The following PRELID3A variants were observed in gnomAD, a reference collection of about 807,000 sequenced individuals.
The protein encoded by PRELID3A is PRELI domain containing protein 3A.
A neutral mutation model predicts 23.0 loss-of-function variants in PRELID3A; 27 were observed. The ratio of observed to expected loss-of-function variants is 1.17; its 90% CI spans 0.87 to 1.62. The LOEUF is 1.62. Ranked by LOEUF, PRELID3A falls within the 40% of genes most tolerant of loss-of-function variation. The pLI, the probability that PRELID3A is intolerant of heterozygous loss-of-function variation, is 0.00. For missense variants in PRELID3A, 231 were observed against 231.4 expected, an observed-to-expected ratio of 1.00 and a Z score of 0.01; for synonymous variants, 87 against 86.4, an observed-to-expected ratio of 1.01 and a Z score of -0.04.
chr18:12,427,715 TA>T (rs2030428139), intron 5 of PRELID3A, among the ~76,000 whole-genome samples: 1 of 151,020 alleles, frequency 6.6e-6, no homozygotes, highest in African/African-American at 2.4e-5. Flanking sequence ...AAAATAAAAA[TA>T]AAAAATAAAT....
rs533212555 is a variant in PRELID3A at position 12,425,447 on chromosome 18, C to T, written c.292-1594C>T. 3.3e-3 allele frequency among the ~76,000 whole-genome samples: 458 copies of T among 140,640 alleles called. 5 individuals carry two copies. The highest frequency in any genetic ancestry group is 0.019 in the Middle Eastern group (5 of 260). The allele number at this position is 140,640 out of a possible 152,430, so 92.3% of individuals were successfully genotyped here. On this transcript the variant is annotated intron_variant, in intron 3 of 6. Transcript: ENST00000440960. ...CATCCTGGCTAACATGGTGAAACCC[C>T]GTCTCTACTAAAAATACAAAAAAAA...
At chr18:12,420,579 T>A in intron 2 of PRELID3A, 86 bp downstream of exon 2, 2 of 1,194,994 alleles carry the variant, frequency 1.7e-6, no homozygotes, top group Non-Finnish European at 2.2e-6. Context: ...CCTCCCCTCA[T>A]CAGTGCCTCT....
chr18:12,407,935 C>T lies in PRELID3A; in HGVS notation c.-41C>T. 7.8e-7 allele frequency: 1 copy of T among 1,283,524 alleles called. No homozygotes were observed. The highest frequency in any genetic ancestry group is 9.8e-7 in the Non-Finnish European group (1 of 1,018,422). The allele number at this position is 1,283,524 out of a possible 1,614,324, so 79.5% of individuals were successfully genotyped here. On this transcript the variant is annotated 5_prime_UTR_variant, in exon 1 of 7. Coordinates refer to ENST00000440960, the MANE Select transcript of PRELID3A (RefSeq NM_001142405.2). ...GCCCGGAGCCGCGCGGCCCGAAGCA[C>T]CCGGCCCGGATCGCAGAGCCCGCGC...
chr18:12,413,366 C>T (rs1177957171), intron 1 of PRELID3A, among the ~76,000 whole-genome samples: 1 of 152,094 alleles, frequency 6.6e-6, no homozygotes, highest in East Asian at 1.9e-4. Flanking sequence ...TTGCTTGACC[C>T]CAGGAGCTTG....
chr18:12,422,722 GTA>G (rs1323850034), intron 3 of PRELID3A, among the ~76,000 whole-genome samples: 4 of 152,128 alleles, frequency 2.6e-5, no homozygotes, highest in Non-Finnish European at 5.9e-5. Context: ...ATTAAAAAAT[GTA>G]TATTGGCCTA....
At chr18:12,414,274 A>G (rs1339522630) in intron 1 of PRELID3A, among the ~76,000 whole-genome samples, 1 of 152,216 alleles carries the variant, frequency 6.6e-6, no homozygotes, top group Non-Finnish European at 1.5e-5. Flanking sequence ...TTACTCACAG[A>G]TGTCCCTAAG....
intron 1 of PRELID3A, among the ~76,000 whole-genome samples, chr18:12,414,250 A>G (rs2029882066): frequency 6.6e-6 from 1 of 152,122 alleles, no homozygotes; most frequent in Non-Finnish European, 1.5e-5. Flanking sequence ...TCATAAAACT[A>G]ATCACTTGGC....
At chr18:12,408,758 AG>A (rs144923384) in intron 1 of PRELID3A, among the ~76,000 whole-genome samples, 10,585 of 147,092 alleles carry the variant, frequency 0.072, 903 homozygotes, top group African/African-American at 0.21. Context: ...CTGAAGGGTG[AG>A]GGGGTGGGTG....
intron 1 of PRELID3A, among the ~76,000 whole-genome samples, chr18:12,412,785 A>G (rs1196639004): frequency 1.3e-5 from 2 of 152,208 alleles, no homozygotes; most frequent in Non-Finnish European, 2.9e-5. Context: ...GTCTGTCAAT[A>G]TTTACCATAT....
intron 3 of PRELID3A, among the ~76,000 whole-genome samples, chr18:12,426,563 A>AAAAAAAAAG (rs67993774): frequency 5.7e-5 from 5 of 87,720 alleles, no homozygotes; most frequent in East Asian, 8.0e-4. Context: ...CAAAAAAAAA[A>AAAAAAAAAG]AAAGTATAAA....
In PRELID3A at chr18:12,421,610, T is replaced by C. The variant is rs1348529806; in HGVS notation, c.272T>C (p.Met91Thr). ...HSVVDPVEKK[M>T]ELCSTNITLT... ...GTGGTGGATCCAGTGGAAAAGAAAA[T>C]GGAACTTTGTTCTACCAATGTAAGC... The change falls in exon 3 of 7, where the codon ATG (methionine) becomes ACG (threonine). Residue 91 changes from methionine to threonine, a missense_variant. Met to Thr is a moderately conservative substitution (Grantham distance 81, BLOSUM62 -1). Coordinates refer to ENST00000440960, the MANE Select transcript of PRELID3A (RefSeq NM_001142405.2). 5.0e-6 allele frequency: 8 copies of C among 1,612,970 alleles called. No homozygotes were observed. The highest frequency in any genetic ancestry group is 6.8e-6 in the Non-Finnish European group (8 of 1,179,008).
At chr18:12,408,294 G>A (rs1909791334) in intron 1 of PRELID3A, among the ~76,000 whole-genome samples, 1 of 151,582 alleles carries the variant, frequency 6.6e-6, no homozygotes, top group South Asian at 2.1e-4. Context: ...GACAGCCAGG[G>A]CGGGGGCAGC....
chr18:12,420,271 C>G, intron 1 of PRELID3A, 54 bp from the exon 2 acceptor site: 1 of 1,538,122 alleles, frequency 6.5e-7, no homozygotes, highest in African/African-American at 1.4e-5. Context: ...TCCCCTTCAC[C>G]CTTGCGGCCC....
intron 1 of PRELID3A, among the ~76,000 whole-genome samples, chr18:12,413,540 C>G (rs976065821): frequency 1.3e-5 from 2 of 152,198 alleles, no homozygotes; most frequent in Non-Finnish European, 2.9e-5. Context: ...CATCCAGCTC[C>G]TGGTAGCAGA....
Position 12,427,248 on chromosome 18 carries a change from C to T in PRELID3A, c.390C>T (p.Ile130=). The change falls in exon 5 of 7, where the codon ATC becomes ATT. Residue 130 remains isoleucine, a synonymous_variant. Transcript: ENST00000440960. ...CCGTGCTCACACAAGAAGCCATCAT[C>T]ACTGTGAAGGGGATTAGCCTTGGTA... ...EMTVLTQEAI[I]TVKGISLGSY... 6.2e-7 allele frequency: 1 copy of T among 1,614,096 alleles called. No homozygotes were observed. The highest frequency in any genetic ancestry group is 8.5e-7 in the Non-Finnish European group (1 of 1,179,972).
chr18:12,425,097 C>T (rs562830126), intron 3 of PRELID3A, among the ~76,000 whole-genome samples: 4 of 151,172 alleles, frequency 2.6e-5, no homozygotes, highest in South Asian at 2.1e-4. Flanking sequence ...GAGCTGAGAT[C>T]GCGCCATTGC....
At chr18:12,425,315 A>C (rs186993591) in intron 3 of PRELID3A, among the ~76,000 whole-genome samples, 1 of 152,074 alleles carries the variant, frequency 6.6e-6, no homozygotes, top group African/African-American at 2.4e-5. Flanking sequence ...TCGAGTGTTT[A>C]AATTGGTTTT....
chr18:12,427,893 C>G (rs2030432506), intron 5 of PRELID3A, among the ~76,000 whole-genome samples: 1 of 151,986 alleles, frequency 6.6e-6, no homozygotes, highest in Non-Finnish European at 1.5e-5. Context: ...TGGGGTAAAC[C>G]TGGAGCATAA....
At chr18:12,416,942 G>A (rs1233612569) in intron 1 of PRELID3A, among the ~76,000 whole-genome samples, 1 of 152,106 alleles carries the variant, frequency 6.6e-6, no homozygotes, top group Non-Finnish European at 1.5e-5. Flanking sequence ...ACAGTACCCA[G>A]CCAGACAAGA....
Sources: allele counts gnomAD v4.1 joint callset (sites outside exome capture counted in the v4.1 genomes callset), GRCh38; gene constraint gnomAD v4.1.1; transcripts MANE v1.5; gene names NCBI Gene and HGNC (gene_info 2026-07-23, HGNC 2026-07-21).